Variants in MTUS1 observed in about 807,000 individuals in gnomAD.
MTUS1 encodes microtubule associated scaffold protein 1.
In MTUS1, 109 loss-of-function variants were observed where a neutral mutation model predicts 120.8. That is an observed-to-expected ratio of 0.90 (90% CI 0.77 to 1.06). The LOEUF (loss-of-function observed/expected upper bound fraction) is 1.06, where lower values mean the gene tolerates loss of function less well. Among genes scored for constraint, MTUS1 ranks in the 50% least tolerant of loss-of-function variants. The pLI, the probability that MTUS1 is intolerant of heterozygous loss-of-function variation, is 0.00. For missense variants in MTUS1, 2,210 were observed against 1,486.3 expected (o/e 1.49, Z -8.01); for synonymous variants, 737 against 550.5 (o/e 1.34, Z -4.74).
intron 6 of MTUS1, among the ~76,000 whole-genome samples, chr8:17,705,121 A>G (rs979901700): frequency 5.9e-5 from 9 of 152,070 alleles, no homozygotes; most frequent in African/African-American, 1.9e-4. Context: ...TGCTGGGACT[A>G]CAAGTGTGCA....
At position 17,762,225 on chromosome 8, in the gene MTUS1, G is replaced by T. The variant is rs141295448; in HGVS notation, c.-154-6264C>A. Among the ~76,000 whole-genome samples, 1,188 of 152,192 alleles carry T rather than the reference G, an allele frequency of 7.8e-3. 19 individuals are homozygous for T. The highest frequency in any genetic ancestry group is 0.027 in the African/African-American group (1,126 of 41,480). On this transcript the variant is annotated intron_variant, in intron 1 of 14. Transcript: ENST00000693296. ...ACTCAGGAGGCGGAGGTCGCAGTGA[G>T]CCGAGATCACACCACCACACTCCAG...
chr8:17,655,606 C>T (rs953463599), intron 9 of MTUS1, among the ~76,000 whole-genome samples: 6 of 152,106 alleles, frequency 3.9e-5, no homozygotes, highest in Admixed American at 2.6e-4. Flanking sequence ...TGCCTATAGT[C>T]CCAGCTACTC....
At chr8:17,729,965 C>T (rs1263381705) in intron 3 of MTUS1, among the ~76,000 whole-genome samples, 1 of 146,024 alleles carries the variant, frequency 6.8e-6, no homozygotes, top group Non-Finnish European at 1.5e-5. Flanking sequence ...CCACTTTGTA[C>T]CTAATGGGAT....
chr8:17,689,186 G>C (rs553553894), intron 6 of MTUS1, among the ~76,000 whole-genome samples: 1 of 152,206 alleles, frequency 6.6e-6, no homozygotes, highest in Admixed American at 6.5e-5. Context: ...ACTCCAGCCT[G>C]GGTGACAGAG....
At chr8:17,656,174 A>T in intron 8 of MTUS1, 109 bp from the exon 9 acceptor site, 1 of 940,570 alleles carries the variant, frequency 1.1e-6, no homozygotes, top group Non-Finnish European at 1.7e-6. Context: ...TACACCCATG[A>T]TGTCTTGGGT....
chr8:17,778,723 C>A (rs191057400), intron 1 of MTUS1, among the ~76,000 whole-genome samples: 44 of 152,154 alleles, frequency 2.9e-4, no homozygotes, highest in African/African-American at 9.9e-4. Flanking sequence ...GTGGGAGGAT[C>A]GTTTGGGCCC....
At chr8:17,767,700 T>TAAAAAA (rs112048837) in intron 1 of MTUS1, among the ~76,000 whole-genome samples, 1,813 of 87,704 alleles carry the variant, frequency 0.021, 19 homozygotes, top group South Asian at 0.048. Flanking sequence ...CCCTGTCTCT[T>TAAAAAA]AAAAAAAAAA....
At chr8:17,684,828 C>G (rs1815419712) in intron 6 of MTUS1, among the ~76,000 whole-genome samples, 1 of 152,070 alleles carries the variant, frequency 6.6e-6, no homozygotes, top group South Asian at 2.1e-4. Context: ...AAACTGGGTG[C>G]AAAATGTTGT....
intron 1 of MTUS1, among the ~76,000 whole-genome samples, chr8:17,757,006 A>C (rs1302502008): frequency 6.6e-6 from 1 of 152,234 alleles, no homozygotes; most frequent in Non-Finnish European, 1.5e-5. Flanking sequence ...AGAAGACTTA[A>C]GTACCACATG....
chr8:17,652,694 G>A (rs560931056), intron 12 of MTUS1, among the ~76,000 whole-genome samples: 1 of 151,958 alleles, frequency 6.6e-6, no homozygotes, highest in Non-Finnish European at 1.5e-5. Context: ...AAATTAGCTG[G>A]CCATGGTGAT....
intron 2 of MTUS1, 21 bp from the exon 3 acceptor site, chr8:17,743,820 A>G (rs759785195): frequency 6.3e-7 from 1 of 1,599,452 alleles, no homozygotes; most frequent in African/African-American, 1.3e-5. Flanking sequence ...AACAGTTAAG[A>G]CTGTAAACCA....
chr8:17,750,675 T>C (rs911163421), intron 2 of MTUS1, among the ~76,000 whole-genome samples: 1 of 152,158 alleles, frequency 6.6e-6, no homozygotes, highest in Non-Finnish European at 1.5e-5. Context: ...TAACAATGTA[T>C]GGAAAGCACC....
chr8:17,737,447 C>G (rs925271667), intron 3 of MTUS1, among the ~76,000 whole-genome samples: 1 of 152,192 alleles, frequency 6.6e-6, no homozygotes, highest in African/African-American at 2.4e-5. Flanking sequence ...AATTTAATTA[C>G]ATAAAAATAT....
chr8:17,663,033 C>A (rs985277776), intron 8 of MTUS1, among the ~76,000 whole-genome samples: 1 of 151,904 alleles, frequency 6.6e-6, no homozygotes, highest in African/African-American at 2.4e-5. Context: ...CCCTCCCTGA[C>A]AGTTTAAATC....
At chr8:17,734,096 G>A (rs1344360540) in intron 3 of MTUS1, 9 of 152,144 alleles carry the variant, frequency 5.9e-5, no homozygotes, top group Non-Finnish European at 1.2e-4. Context: ...GAACAAATGT[G>A]ATGAAACAAG....
chr8:17,656,156 C>G, intron 8 of MTUS1, 91 bp from the exon 9 acceptor site: 1 of 1,093,448 alleles, frequency 9.1e-7, no homozygotes, highest in South Asian at 1.3e-5. Context: ...GTGATGACAC[C>G]TGAAGCATAC....
intron 9 of MTUS1, chr8:17,654,907 C>T (rs1242987916): frequency 2.1e-5 from 11 of 527,378 alleles, no homozygotes; most frequent in South Asian, 8.1e-5. Context: ...TGGGCAATGT[C>T]GCGAGACTCT....
intron 6 of MTUS1, chr8:17,691,833 C>T (rs569380915): frequency 7.2e-5 from 11 of 152,260 alleles, no homozygotes; most frequent in South Asian, 2.1e-4. Context: ...CCCTCCTAAT[C>T]CATAACACAT....
chr8:17,701,829 G>T (rs571068073), intron 6 of MTUS1, among the ~76,000 whole-genome samples: 1 of 152,084 alleles, frequency 6.6e-6, no homozygotes, highest in African/African-American at 2.4e-5. Context: ...GATTACAAGC[G>T]TGAGCCACCG....
Sources: allele counts gnomAD v4.1 joint callset (sites outside exome capture counted in the v4.1 genomes callset), GRCh38; gene constraint gnomAD v4.1.1; transcripts MANE v1.5; gene names NCBI Gene and HGNC (gene_info 2026-07-23, HGNC 2026-07-21).